AUTS2: variants seen among roughly 807,000 people sequenced by gnomAD.
AUTS2 encodes the protein autism susceptibility gene 2 protein.
AUTS2 carries 17 observed loss-of-function variants against 112.4 expected under a neutral mutation model. The ratio of observed to expected loss-of-function variants is 0.15; its 90% CI spans 0.10 to 0.23. The LOEUF (loss-of-function observed/expected upper bound fraction) is 0.23. Ranked by LOEUF, AUTS2 falls within the 10% of genes least tolerant of loss-of-function variation. The pLI is 1.00. For missense variants in AUTS2, 1,510 were observed against 1,701.6 expected (o/e 0.89, Z 1.98); for synonymous variants, 751 against 702.7 (o/e 1.07, Z -1.09).
chr7:69,632,772 C>G (rs972618892), intron 1 of AUTS2, among the ~76,000 whole-genome samples: 1 of 152,058 alleles, frequency 6.6e-6, no homozygotes, highest in African/African-American at 2.4e-5. Context: ...TATGGTAGAG[C>G]CACAACACTA....
intron 2 of AUTS2, among the ~76,000 whole-genome samples, chr7:70,101,634 G>A (rs1478749437): frequency 1.3e-5 from 2 of 152,178 alleles, no homozygotes; most frequent in Non-Finnish European, 2.9e-5. Flanking sequence ...GGCAGAGGTT[G>A]CAGTGAGCTG....
intron 5 of AUTS2, among the ~76,000 whole-genome samples, chr7:70,679,163 A>G (rs1443753577): frequency 1.3e-5 from 2 of 152,238 alleles, no homozygotes; most frequent in Admixed American, 6.5e-5. Context: ...CTCACCATCT[A>G]TCATTATTTT....
chr7:70,675,299 C>A (rs571964619), intron 5 of AUTS2, among the ~76,000 whole-genome samples: 2 of 152,208 alleles, frequency 1.3e-5, no homozygotes, highest in South Asian at 4.1e-4. Context: ...TTGAGACCAG[C>A]CTGGCCAACA....
Position 70,787,305 on chromosome 7 carries a change from C to G in AUTS2, c.2405C>G (p.Ser802Trp). ...PWNRLHRTPPSFPTPPPWLKP... is the reference protein window; with the variant it reads ...PWNRLHRTPPWFPTPPPWLKP... Reference sequence around the variant, plus strand: ...AACCGGCTGCACCGAACGCCTCCGTCGTTCCCGACCCCTCCGCCCTGGCTG... The same window carrying G: ...AACCGGCTGCACCGAACGCCTCCGTGGTTCCCGACCCCTCCGCCCTGGCTG... The change falls in exon 18 of 19, where the codon TCG becomes TGG. Residue 802 changes from serine (S) to tryptophan (W), a missense_variant. Around this residue, in one of 3 missense-constraint regions of AUTS2, gnomAD observed 788 missense variants for 797.6 expected, o/e 0.99. Transcript: ENST00000342771. 1 of 1,614,262 alleles carries G rather than the reference C, an allele frequency of 6.2e-7. No homozygotes were observed. Among genetic ancestry groups the G allele is most frequent in the Non-Finnish European group, 8.5e-7 (1 of 1,180,044 alleles).
chr7:70,703,040 C>T (rs1192865065), intron 6 of AUTS2, among the ~76,000 whole-genome samples: 2 of 152,272 alleles, frequency 1.3e-5, no homozygotes, highest in South Asian at 4.1e-4. Context: ...AAACAAGTTA[C>T]CCAGCGATAC....
chr7:69,616,096 C>T (rs537172979), intron 1 of AUTS2, among the ~76,000 whole-genome samples: 10 of 152,302 alleles, frequency 6.6e-5, no homozygotes, highest in African/African-American at 2.4e-4. Context: ...GTATAAGCCT[C>T]TATCACAGTA....
At chr7:70,744,313 C>T (rs1038209393) in intron 6 of AUTS2, among the ~76,000 whole-genome samples, 1 of 152,114 alleles carries the variant, frequency 6.6e-6, no homozygotes, top group Non-Finnish European at 1.5e-5. Flanking sequence ...GAGGTAGATG[C>T]GCTCCTCTTT....
intron 1 of AUTS2, among the ~76,000 whole-genome samples, chr7:69,786,325 C>T (rs1338032027): frequency 2.0e-5 from 3 of 152,290 alleles, no homozygotes; most frequent in Admixed American, 6.5e-5. Context: ...TGTAAATGCA[C>T]CAGTCAGCAC....
rs3974412 is a variant in AUTS2 at position 70,757,807 on chromosome 7, C to CTTTTTTTT, written c.743-5045_743-5038dup. On this transcript the variant is annotated intron_variant, in intron 6 of 18. Transcript: ENST00000342771. Reference sequence around the variant, plus strand: ...TTTCTTGAGTATTCTTCCATGGCTTCTTTTTTTTTTTTTTTTTTTTTTTTT... The same window carrying CTTTTTTTT: ...TTTCTTGAGTATTCTTCCATGGCTTCTTTTTTTTTTTTTTTTTTTTTTTTTTTTTTTTT... Among the ~76,000 whole-genome samples the CTTTTTTTT allele has an allele frequency of 4.5e-4, 27 of 60,538 alleles. 3 individuals are homozygous for CTTTTTTTT. The highest frequency in any genetic ancestry group is 1.4e-3 in the African/African-American group (23 of 15,906). 39.7% of individuals were successfully genotyped at this position (60,538 alleles called of 152,430 possible). A position where few individuals can be genotyped will look rare whatever the true frequency, so the allele number is the denominator to read the frequency against.
rs569613391 is a variant in AUTS2, at chr7:70,764,174, GCA to G, written c.1215-575_1215-574del. Among the ~76,000 whole-genome samples, 45 of 152,258 alleles carry G rather than the reference GCA, an allele frequency of 3.0e-4. No individual in the cohort carries two copies. The South Asian group carries it at 3.1e-3, about 11-fold the overall frequency. On this transcript the variant is annotated intron_variant, in intron 7 of 18. Transcript: ENST00000342771. Reference sequence around the variant, plus strand: ...CCTTGCTTTTTCCTAAGAGGGGAAAGCACAGTCTTTGGGGGGCAGGTTTCCTC... The same window carrying G: ...CCTTGCTTTTTCCTAAGAGGGGAAAGCAGTCTTTGGGGGGCAGGTTTCCTC...
chr7:70,365,272 T>C (rs1364037641), intron 4 of AUTS2, among the ~76,000 whole-genome samples: 1 of 152,202 alleles, frequency 6.6e-6, no homozygotes, highest in Admixed American at 6.5e-5. Context: ...CATTTCCCGT[T>C]AGGTCATAGC....
At chr7:69,897,823 A>G (rs1346359549) in intron 1 of AUTS2, among the ~76,000 whole-genome samples, 1 of 152,138 alleles carries the variant, frequency 6.6e-6, no homozygotes, top group Admixed American at 6.6e-5. Flanking sequence ...GTCTCAGACT[A>G]ATAGGAATGG....
At chr7:69,810,311 G>A (rs1350039992) in intron 1 of AUTS2, among the ~76,000 whole-genome samples, 2 of 152,036 alleles carry the variant, frequency 1.3e-5, no homozygotes, top group African/African-American at 4.8e-5. Flanking sequence ...CAGATTCTTC[G>A]TATACAAAAA....
intron 1 of AUTS2, among the ~76,000 whole-genome samples, chr7:69,679,331 G>A (rs1207943198): frequency 6.6e-6 from 1 of 152,198 alleles, no homozygotes; most frequent in Admixed American, 6.5e-5. Context: ...CAGTCTGCCA[G>A]GATTTACATT....
At chr7:70,438,689 G>A (rs1396789208) in intron 5 of AUTS2, among the ~76,000 whole-genome samples, 1 of 152,196 alleles carries the variant, frequency 6.6e-6, no homozygotes, top group Non-Finnish European at 1.5e-5. Context: ...CTGGGTCCCT[G>A]TCAGCCTCCT....
chr7:70,398,599 C>T (rs1408069570), intron 4 of AUTS2, among the ~76,000 whole-genome samples: 1 of 152,030 alleles, frequency 6.6e-6, no homozygotes, highest in African/African-American at 2.4e-5. Flanking sequence ...AATGCACATA[C>T]TATTATAGTT....
chr7:70,468,418 T>C (rs1458079103), intron 5 of AUTS2, among the ~76,000 whole-genome samples: 1 of 152,190 alleles, frequency 6.6e-6, no homozygotes, highest in Non-Finnish European at 1.5e-5. Context: ...TTTTCTTGGC[T>C]TAAAGGGACT....
intron 2 of AUTS2, among the ~76,000 whole-genome samples, chr7:70,060,402 A>C (rs1274707507): frequency 3.3e-5 from 5 of 152,178 alleles, no homozygotes; most frequent in Non-Finnish European, 7.3e-5. Flanking sequence ...TTGGGAATTT[A>C]TTAGAAATGC....
chr7:70,752,581 G>A (rs1563172594), intron 6 of AUTS2, among the ~76,000 whole-genome samples: 1 of 152,154 alleles, frequency 6.6e-6, no homozygotes, highest in Non-Finnish European at 1.5e-5. Context: ...AGGACCACAG[G>A]TTCTTTGACT....
Sources: gnomAD v4.1 joint callset for allele counts (sites outside exome capture counted in the v4.1 genomes callset) on GRCh38, gnomAD v4.1.1 for gene constraint, gnomAD v4.1.1 regional missense constraint, MANE v1.5 for transcripts, NCBI Gene and HGNC (gene_info 2026-07-23, HGNC 2026-07-21) for gene names.